Variants in IFNAR2 observed in about 807,000 individuals in gnomAD.
The protein encoded by IFNAR2 is interferon alpha and beta receptor subunit 2.
In IFNAR2, 30 loss-of-function variants were observed where a neutral mutation model predicts 49.4. That is an observed-to-expected ratio of 0.61 (90% CI 0.45 to 0.82). IFNAR2 has a LOEUF of 0.82. Ranked by LOEUF, IFNAR2 falls within the 40% of genes least tolerant of loss-of-function variation. The pLI, the probability that IFNAR2 is intolerant of heterozygous loss-of-function variation, is 0.00. For synonymous variants in IFNAR2, 224 were observed against 234.5 expected (o/e 0.96, Z 0.41); for missense variants, 600 against 622.7 (o/e 0.96, Z 0.39).
Position 33,257,247 on chromosome 21 carries a change from A to G in IFNAR2, c.710-3350A>G, listed in dbSNP as rs117202728. ...ATGTGTCCGGAGTTGGTTCCTGCCA[A>G]TGGGTTCGTGGTCTCGCTGACTTCA... On this transcript the variant is annotated intron_variant, in intron 7 of 8. Coordinates refer to ENST00000342136, the MANE Select transcript of IFNAR2 (RefSeq NM_001289125.3). 1.8e-4 allele frequency among the ~76,000 whole-genome samples: 27 copies of G among 152,278 alleles called. No homozygotes were observed. The East Asian group carries it at 4.0e-3, about 23-fold the overall frequency.
chr21:33,237,980 CAAA>C (rs1986605407), intron 1 of IFNAR2, among the ~76,000 whole-genome samples: 1 of 152,110 alleles, frequency 6.6e-6, no homozygotes, highest in Non-Finnish European at 1.5e-5. Flanking sequence ...GACATACAAA[CAAA>C]AAGAAGAAGC....
In IFNAR2 at chr21:33,262,865, A is replaced by T. The variant is rs1306452331; in HGVS notation, c.913A>T (p.Ile305Phe). Reference protein sequence around the residue: ...PLEAMDMVEVIYINRKKKVWD... With the variant: ...PLEAMDMVEVFYINRKKKVWD... The stretch of plus-strand genomic sequence containing the variant: ...GGAAGCCATGGATATGGTGGAGGTC[A>T]TTTACATCAACAGAAAGAAGAAAGT... Residue 305 changes from isoleucine (I) to phenylalanine (F), a missense_variant, in exon 9 of 9, where the codon ATT becomes TTT. Coordinates refer to ENST00000342136, the MANE Select transcript of IFNAR2 (RefSeq NM_001289125.3). 1 of 1,613,538 alleles carries T rather than the reference A, an allele frequency of 6.2e-7. No individual in the cohort carries two copies.
intron 6 of IFNAR2, 21 bp from the exon 7 acceptor site, chr21:33,252,641 A>G: frequency 6.2e-7 from 1 of 1,603,874 alleles, no homozygotes; most frequent in South Asian, 1.1e-5. Flanking sequence ...AGTCTTACTG[A>G]TTTTTTGCTT....
rs1227667824 is a variant in IFNAR2 at position 33,241,962 on chromosome 21, A to C, written c.40A>C (p.Asn14His). ...SQNAFIFRSLNLVLMVYISLV... is the reference protein window; with the variant it reads ...SQNAFIFRSLHLVLMVYISLV... ...GAATGCCTTCATCTTCAGATCACTT[A>C]ATTTGGTTCTCATGGGTAAGTGCTG... Residue 14 changes from asparagine to histidine, a missense_variant, in exon 2 of 9, where the codon AAT (asparagine) becomes CAT (histidine). Asn to His is a moderately conservative substitution (Grantham distance 68). Coordinates refer to ENST00000342136, the MANE Select transcript of IFNAR2 (RefSeq NM_001289125.3). 6.2e-7 allele frequency: 1 copy of C among 1,612,724 alleles called. No homozygotes were observed. The highest frequency in any genetic ancestry group is 8.5e-7 in the Non-Finnish European group (1 of 1,179,470).
chr21:33,256,968 A>T (rs1379243196), intron 7 of IFNAR2, among the ~76,000 whole-genome samples: 4 of 152,226 alleles, frequency 2.6e-5, no homozygotes, highest in Admixed American at 6.5e-5. Flanking sequence ...TGCTAGAAGC[A>T]GAGCCTGGGA....
At chr21:33,236,465 C>T (rs977653846) in intron 1 of IFNAR2, among the ~76,000 whole-genome samples, 3 of 152,178 alleles carry the variant, frequency 2.0e-5, no homozygotes, top group African/African-American at 7.2e-5. Context: ...GTACCTGGGT[C>T]AAGAGTGACC....
intron 1 of IFNAR2, among the ~76,000 whole-genome samples, chr21:33,238,608 C>T (rs1311462958): frequency 6.6e-6 from 1 of 152,026 alleles, no homozygotes; most frequent in African/African-American, 2.4e-5. Context: ...AATTTAGAAG[C>T]TAAGAAAGAA....
At chr21:33,244,441 T>G (rs964724835) in intron 3 of IFNAR2, among the ~76,000 whole-genome samples, 10 of 152,178 alleles carry the variant, frequency 6.6e-5, no homozygotes, top group Non-Finnish European at 1.2e-4. Flanking sequence ...TCTGGGCTCA[T>G]GTTATACTCC....
At chr21:33,242,708 G>C (rs1434227258) in intron 2 of IFNAR2, among the ~76,000 whole-genome samples, 1 of 75,784 alleles carries the variant, frequency 1.3e-5, no homozygotes, top group Non-Finnish European at 2.6e-5. Flanking sequence ...ACTCCAGCCT[G>C]ACAGAGCAAG....
chr21:33,252,617 T>C, intron 6 of IFNAR2, 45 bp from the exon 7 acceptor site: 2 of 1,588,156 alleles, frequency 1.3e-6, no homozygotes, highest in Non-Finnish European at 1.7e-6. Flanking sequence ...GGCCTACCTC[T>C]AAATGAAATT....
intron 5 of IFNAR2, 49 bp downstream of exon 5, chr21:33,246,939 T>C (rs774620261): frequency 6.8e-7 from 1 of 1,480,682 alleles, no homozygotes; most frequent in African/African-American, 1.4e-5. Context: ...TCAAGATCTT[T>C]ATTATTTGCT....
chr21:33,231,041 A>T lies in IFNAR2; in HGVS notation c.-84+825A>T, dbSNP rs1182127873. Among the ~76,000 whole-genome samples the T allele has an allele frequency of 3.3e-5, 5 of 152,092 alleles. No homozygotes were observed. The East Asian group carries it at 7.7e-4, about 23-fold the overall frequency. ...TATTTCCTTGTTTTGTTTAGCAAGA[A>T]GTCTTAGAAACGAATATAGCATGCT... On this transcript the variant is annotated intron_variant, in intron 1 of 8. Coordinates refer to ENST00000342136, the MANE Select transcript of IFNAR2 (RefSeq NM_001289125.3).
chr21:33,242,233 C>T (rs374987291), intron 2 of IFNAR2, among the ~76,000 whole-genome samples: 3 of 152,298 alleles, frequency 2.0e-5, no homozygotes, highest in South Asian at 2.1e-4. Flanking sequence ...GGACTATCCT[C>T]GCCATAATTT....
rs1032699712 is a variant in IFNAR2 at position 33,230,732 on chromosome 21, G to A, written c.-84+516G>A. ...CACAGACTGCAGCCGGGGCTGGAGC[G>A]GCCTACACCCCTCCGGATCCGCTGC... On this transcript the variant is annotated intron_variant, in intron 1 of 8. Transcript: ENST00000342136. The surrounding 1 kb of genome is among the most constrained non-coding windows in gnomAD (Gnocchi z 5.5). Among the ~76,000 whole-genome samples, 1 of 152,110 alleles carries A rather than the reference G, an allele frequency of 6.6e-6. No homozygotes were observed. Among genetic ancestry groups the A allele is most frequent in the Non-Finnish European group, 1.5e-5 (1 of 68,020 alleles).
intron 1 of IFNAR2, among the ~76,000 whole-genome samples, chr21:33,233,498 AT>A (rs1298634154): frequency 2.0e-5 from 3 of 152,226 alleles, no homozygotes; most frequent in Non-Finnish European, 2.9e-5. Context: ...ATCTTAAACT[AT>A]TTAAATTCAA....
Position 33,263,149 on chromosome 21 carries a change from G to C in IFNAR2, c.1197G>C (p.Lys399Asn), listed in dbSNP as rs774374848. 6.2e-7 allele frequency: 1 copy of C among 1,614,210 alleles called. No homozygotes were observed. Among genetic ancestry groups the C allele is most frequent in the Non-Finnish European group, 8.5e-7 (1 of 1,180,038 alleles). The change falls in exon 9 of 9, where the codon AAG (lysine) becomes AAC (asparagine). Residue 399 changes from lysine to asparagine, a missense_variant. Lys to Asn is a moderately conservative substitution (Grantham distance 94). Coordinates refer to ENST00000342136, the MANE Select transcript of IFNAR2 (RefSeq NM_001289125.3). ...TGAGTGGGCCCTGTGAGAGGAGAAA[G>C]AGTCCACTCCAGGACCCTTTTCCCG... is the stretch of plus-strand genomic sequence containing the variant. ...ELLSGPCERR[K>N]SPLQDPFPEE...
At position 33,229,977 on chromosome 21, in the gene IFNAR2, G is replaced by T; in HGVS notation, c.-323G>T. ...AGGCCGGGGCTCGGCGCGCGCACCC[G>T]CACTAAAGACGCTTCTTCCCGGCGG... On this transcript the variant is annotated 5_prime_UTR_variant, in exon 1 of 9. Transcript: ENST00000342136. The T allele has an allele frequency of 1.0e-6, 1 of 984,332 alleles. No homozygotes were observed. Among genetic ancestry groups the T allele is most frequent in the Non-Finnish European group, 1.2e-6 (1 of 829,594 alleles). The allele number at this position is 984,332 out of a possible 1,614,324, so 61.0% of individuals were successfully genotyped here. A position where few individuals can be genotyped will look rare whatever the true frequency, so the allele number is the denominator to read the frequency against.
In IFNAR2 at chr21:33,246,753, C is replaced by T; in HGVS notation, c.257C>T (p.Ala86Val). The T allele has an allele frequency of 6.2e-7, 1 of 1,613,548 alleles. No individual in the cohort carries two copies. Reference sequence around the variant, plus strand: ...GATTTGAAGGTGGTTAAGAACTGTGCAAATACCACAAGATCATTTTGTGAC... The same window carrying T: ...GATTTGAAGGTGGTTAAGAACTGTGTAAATACCACAAGATCATTTTGTGAC... ...PEDLKVVKNC[A>V]NTTRSFCDLT... is the part of the protein sequence containing the mutation. Residue 86 changes from alanine (A) to valine (V), a missense_variant, in exon 5 of 9, where the codon GCA becomes GTA. Ala to Val is a moderately conservative substitution (Grantham distance 64, BLOSUM62 0). Coordinates refer to ENST00000342136, the MANE Select transcript of IFNAR2 (RefSeq NM_001289125.3).
intron 3 of IFNAR2, among the ~76,000 whole-genome samples, chr21:33,244,379 A>T (rs1987229092): frequency 6.6e-6 from 1 of 152,216 alleles, no homozygotes; most frequent in Non-Finnish European, 1.5e-5. Context: ...GAATCTTTTC[A>T]TAGTGCCTAC....
Sources: gnomAD v4.1 joint callset for allele counts (sites outside exome capture counted in the v4.1 genomes callset) on GRCh38, gnomAD v4.1.1 for gene constraint, Gnocchi (gnomAD v3.1) non-coding constraint, MANE v1.5 for transcripts, NCBI Gene and HGNC (gene_info 2026-07-23, HGNC 2026-07-21) for gene names.